TRPC4: variants seen among roughly 807,000 people sequenced by gnomAD.
TRPC4 encodes the protein transient receptor potential cation channel subfamily C member 4.
A neutral mutation model predicts 99.4 loss-of-function variants in TRPC4; 49 were observed. That is an observed-to-expected ratio of 0.49 (90% confidence interval 0.39 to 0.63). The LOEUF (loss-of-function observed/expected upper bound fraction) is 0.63. TRPC4 is among the 20% of genes least tolerant of loss of function. The pLI is 0.00. For synonymous variants in TRPC4, 454 were observed against 425.9 expected (o/e 1.07, Z -0.81); for missense variants, 898 against 1,152.9 (o/e 0.78, Z 3.20).
At chr13:37,821,738 G>T (rs1001684862) in intron 1 of TRPC4, among the ~76,000 whole-genome samples, 6 of 152,292 alleles carry the variant, frequency 3.9e-5, no homozygotes, top group Non-Finnish European at 7.4e-5. Flanking sequence ...AATAAATGAT[G>T]CTGGGATAAC....
At chr13:37,836,931 C>T (rs970813071) in intron 1 of TRPC4, among the ~76,000 whole-genome samples, 4 of 152,170 alleles carry the variant, frequency 2.6e-5, no homozygotes, top group South Asian at 2.1e-4. Flanking sequence ...GGCCCAGAGT[C>T]GCTGTGCTGT....
intron 1 of TRPC4, among the ~76,000 whole-genome samples, chr13:37,835,934 C>A (rs1296130701): frequency 6.6e-6 from 1 of 152,128 alleles, no homozygotes; most frequent in African/African-American, 2.4e-5. Context: ...GCTCTGCCCC[C>A]ACACAAATCT....
intron 1 of TRPC4, among the ~76,000 whole-genome samples, chr13:37,826,563 G>A (rs1435327279): frequency 8.6e-5 from 13 of 151,372 alleles, no homozygotes; most frequent in Admixed American, 6.6e-5. Flanking sequence ...GAAATTCTGG[G>A]TTGAAAATTC....
At chr13:37,707,266 T>G (rs147289424) in intron 3 of TRPC4, among the ~76,000 whole-genome samples, 19 of 152,314 alleles carry the variant, frequency 1.2e-4, no homozygotes, top group African/African-American at 4.6e-4. Context: ...TCTCTTGTGC[T>G]GTCATGAACA....
At chr13:37,668,799 T>G (rs2138726710) in intron 5 of TRPC4, among the ~76,000 whole-genome samples, 1 of 152,292 alleles carries the variant, frequency 6.6e-6, no homozygotes, top group Admixed American at 6.5e-5. Flanking sequence ...ATATATTGGT[T>G]TTAATGTGTG....
rs1951430640 is a variant in TRPC4 at position 37,633,219 on chromosome 13, A to G, written c.*3684T>C. Among the ~76,000 whole-genome samples, 1 of 152,216 alleles carries G rather than the reference A, an allele frequency of 6.6e-6. No individual in the cohort carries two copies. The highest frequency in any genetic ancestry group is 1.5e-5 in the Non-Finnish European group (1 of 68,038). ...GTTAAGAGGAATGCCAGTAATATTA[A>G]ATTTCTAAATTCTATGGTTAGTTTT... On this transcript the variant is annotated 3_prime_UTR_variant, in exon 11 of 11. Transcript: ENST00000379705.
chr13:37,661,291 A>T (rs2138676983), intron 6 of TRPC4, among the ~76,000 whole-genome samples: 1 of 152,326 alleles, frequency 6.6e-6, no homozygotes, highest in Admixed American at 6.5e-5. Context: ...GATTTATGTT[A>T]TAATTAGTTT....
chr13:37,636,848 C>G lies in TRPC4; in HGVS notation c.*55G>C. ...ATACAATTTAAACATTTTCCCCCAC[C>G]CAGAGCACTACGGAAAATACGTATG... is the stretch of plus-strand genomic sequence containing the variant. On this transcript the variant is annotated 3_prime_UTR_variant, in exon 11 of 11. Coordinates refer to ENST00000379705, the MANE Select transcript of TRPC4 (RefSeq NM_016179.4). 1 of 1,549,262 alleles carries G rather than the reference C, an allele frequency of 6.5e-7. No individual in the cohort carries two copies. Among genetic ancestry groups the G allele is most frequent in the Non-Finnish European group, 8.7e-7 (1 of 1,149,362 alleles).
chr13:37,700,735 C>A (rs1954078538), intron 3 of TRPC4, among the ~76,000 whole-genome samples: 1 of 152,102 alleles, frequency 6.6e-6, no homozygotes, highest in East Asian at 1.9e-4. Flanking sequence ...TGTTTCTCTA[C>A]CCATCTAATT....
intron 10 of TRPC4, among the ~76,000 whole-genome samples, chr13:37,638,225 C>T (rs1173606139): frequency 3.0e-4 from 27 of 91,434 alleles, no homozygotes; most frequent in African/African-American, 1.1e-3. Context: ...CTGATGGCAA[C>T]CTTCTTGGTG....
At chr13:37,850,988 A>G (rs968087187) in intron 1 of TRPC4, among the ~76,000 whole-genome samples, 1 of 152,236 alleles carries the variant, frequency 6.6e-6, no homozygotes, top group African/African-American at 2.4e-5. Flanking sequence ...GAGAAGTAAA[A>G]TGCTTATCAG....
intron 2 of TRPC4, among the ~76,000 whole-genome samples, chr13:37,747,141 C>T (rs1955809843): frequency 6.6e-6 from 1 of 152,124 alleles, no homozygotes; most frequent in Non-Finnish European, 1.5e-5. Context: ...TCCACTGAAT[C>T]AGGTCACCAA....
intron 4 of TRPC4, among the ~76,000 whole-genome samples, chr13:37,690,671 A>G (rs1438561722): frequency 1.3e-5 from 2 of 152,230 alleles, no homozygotes; most frequent in Non-Finnish European, 2.9e-5. Context: ...ACTCTATTTT[A>G]AAGTTCACCT....
At chr13:37,865,203 A>G (rs1190429810) in intron 1 of TRPC4, among the ~76,000 whole-genome samples, 2 of 151,646 alleles carry the variant, frequency 1.3e-5, no homozygotes, top group African/African-American at 2.4e-5. Flanking sequence ...ACATTAAAAT[A>G]ATTGGAAAAT....
chr13:37,865,571 A>C (rs1316768237), intron 1 of TRPC4, among the ~76,000 whole-genome samples: 5 of 151,756 alleles, frequency 3.3e-5, no homozygotes, highest in African/African-American at 1.2e-4. Flanking sequence ...ATGGAACTTT[A>C]ACAGACTATT....
intron 4 of TRPC4, among the ~76,000 whole-genome samples, chr13:37,691,265 C>T (rs546158986): frequency 6.6e-6 from 1 of 152,228 alleles, no homozygotes; most frequent in African/African-American, 2.4e-5. Context: ...CCACGCCCGG[C>T]TAATTTCTTT....
chr13:37,680,682 T>G lies in TRPC4; in HGVS notation c.1235-6315A>C, dbSNP rs531001849. On this transcript the variant is annotated intron_variant, in intron 4 of 10. Transcript: ENST00000379705. ...TAGAAAGGCAGCTTCTTGCCAAATG[T>G]AAGGAAGAATATTCTGGCAATTAGA... is the stretch of plus-strand genomic sequence containing the variant. Among the ~76,000 whole-genome samples, 5 of 152,230 alleles carry G rather than the reference T, an allele frequency of 3.3e-5. No homozygotes were observed. The South Asian group carries it at 8.3e-4, about 25-fold the overall frequency.
At chr13:37,866,706 G>T (rs1468182820) in intron 1 of TRPC4, among the ~76,000 whole-genome samples, 1 of 151,604 alleles carries the variant, frequency 6.6e-6, no homozygotes, top group Non-Finnish European at 1.5e-5. Context: ...ATATTGCGGG[G>T]TCAATGCCTC....
chr13:37,775,830 C>A (rs2090457554), intron 2 of TRPC4, among the ~76,000 whole-genome samples: 1 of 151,198 alleles, frequency 6.6e-6, no homozygotes, highest in African/African-American at 2.4e-5. Context: ...TGGTAAATGC[C>A]TTTCACTCCT....
Sources: gnomAD v4.1 joint callset for allele counts (sites outside exome capture counted in the v4.1 genomes callset) on GRCh38, gnomAD v4.1.1 for gene constraint, MANE v1.5 for transcripts, NCBI Gene and HGNC (gene_info 2026-07-23, HGNC 2026-07-21) for gene names.